Variants in SIPA1L2 observed in about 807,000 individuals in gnomAD.
SIPA1L2 encodes signal-induced proliferation-associated 1-like protein 2.
SIPA1L2 carries 56 observed loss-of-function variants against 163.9 expected under a neutral mutation model. That is an observed-to-expected ratio of 0.34 (90% confidence interval 0.28 to 0.43). The LOEUF (loss-of-function observed/expected upper bound fraction) is 0.43, where lower values mean the gene tolerates loss of function less well. Ranked by LOEUF, SIPA1L2 falls within the 20% of genes least tolerant of loss-of-function variation. SIPA1L2 has a pLI of 1.00. For missense variants in SIPA1L2, 1,974 were observed against 2,193.5 expected (o/e 0.90, Z 2.00); for synonymous variants, 877 against 865.7 (o/e 1.01, Z -0.23).
chr1:232,443,438 T>C (rs966524981), intron 12 of SIPA1L2, among the ~76,000 whole-genome samples, 164 bp downstream of exon 12: 2 of 152,076 alleles, frequency 1.3e-5, no homozygotes, highest in Non-Finnish European at 1.5e-5. Flanking sequence ...TACACAGAAA[T>C]AATGAGCTTT....
At chr1:232,422,977 A>G (rs940642864) in intron 18 of SIPA1L2, among the ~76,000 whole-genome samples, 2 of 152,210 alleles carry the variant, frequency 1.3e-5, no homozygotes, top group African/African-American at 4.8e-5. Context: ...AAAGTGATAC[A>G]TACTCGGTAG....
At chr1:232,523,373 G>T (rs1288108517) in intron 2 of SIPA1L2, among the ~76,000 whole-genome samples, 1 of 152,116 alleles carries the variant, frequency 6.6e-6, no homozygotes, top group Admixed American at 6.5e-5. Flanking sequence ...CTCTCAGGAG[G>T]TTATTAGTTA....
chr1:232,584,676 C>G (rs1660561449), intron 1 of SIPA1L2, among the ~76,000 whole-genome samples: 1 of 152,186 alleles, frequency 6.6e-6, no homozygotes, highest in Admixed American at 6.5e-5. Flanking sequence ...CAGAGGGTGA[C>G]AGGGAAGTTT....
In SIPA1L2 at chr1:232,493,651, T is replaced by A; in HGVS notation, c.1493A>T (p.Asn498Ile). ...RKFFYGKEHQNYFGIDENLGP... is the reference protein window; with the variant it reads ...RKFFYGKEHQIYFGIDENLGP... ...AAGGTTTTCATCTATTCCAAAGTAG[T>A]TTTGGTGCTCTATAATGGAAGAGAG... The change falls in exon 4 of 23, where the codon AAC becomes ATC. Residue 498 changes from asparagine to isoleucine, a missense_variant. Around this residue, in one of 3 missense-constraint regions of SIPA1L2, gnomAD observed 607 missense variants for 624.0 expected, o/e 0.97. Transcript: ENST00000674635. 6.2e-7 allele frequency: 1 copy of A among 1,614,064 alleles called. No individual in the cohort carries two copies. The highest frequency in any genetic ancestry group is 8.5e-7 in the Non-Finnish European group (1 of 1,179,982).
chr1:232,476,442 TGAA>T (rs1200447808), intron 7 of SIPA1L2, among the ~76,000 whole-genome samples: 3 of 152,164 alleles, frequency 2.0e-5, no homozygotes, highest in African/African-American at 7.2e-5. Context: ...ATGACTACTT[TGAA>T]GAAAGAATTT....
At chr1:232,445,390 C>A in intron 11 of SIPA1L2, 139 bp downstream of exon 11, 2 of 1,240,656 alleles carry the variant, frequency 1.6e-6, no homozygotes, top group South Asian at 2.9e-5. Context: ...GTGTCTGGGG[C>A]CTGCCTTGCT....
At chr1:232,548,612 T>A (rs73097614) in intron 2 of SIPA1L2, among the ~76,000 whole-genome samples, 1,828 of 152,306 alleles carry the variant, frequency 0.012, 46 homozygotes, top group African/African-American at 0.042. Context: ...TTTCAATAAA[T>A]ATATACTAAC....
At chr1:232,579,673 T>C (rs1221390337) in intron 1 of SIPA1L2, among the ~76,000 whole-genome samples, 3 of 152,224 alleles carry the variant, frequency 2.0e-5, no homozygotes, top group Non-Finnish European at 2.9e-5. Context: ...TAACCTCTGA[T>C]GCTCCTCAGT....
At chr1:232,489,332 G>T (rs915989686) in intron 5 of SIPA1L2, among the ~76,000 whole-genome samples, 1 of 151,990 alleles carries the variant, frequency 6.6e-6, no homozygotes, top group Admixed American at 6.6e-5. Context: ...TCTCTATCCC[G>T]CCATAACATG....
intron 2 of SIPA1L2, among the ~76,000 whole-genome samples, chr1:232,531,239 G>A (rs1175241117): frequency 1.3e-5 from 2 of 148,272 alleles, no homozygotes; most frequent in Non-Finnish European, 3.0e-5. Flanking sequence ...TTACCTATCC[G>A]CCTTACCAAC....
intron 2 of SIPA1L2, among the ~76,000 whole-genome samples, chr1:232,566,695 T>C (rs1200943336): frequency 6.6e-6 from 1 of 152,230 alleles, no homozygotes; most frequent in Non-Finnish European, 1.5e-5. Flanking sequence ...TCCACTTAAG[T>C]TGAAGATTCG....
chr1:232,414,152 T>C (rs1287196141), intron 19 of SIPA1L2, among the ~76,000 whole-genome samples: 1 of 151,940 alleles, frequency 6.6e-6, no homozygotes, highest in Admixed American at 6.5e-5. Flanking sequence ...AAGGACTGAG[T>C]GGTTTGTAAA....
intron 9 of SIPA1L2, among the ~76,000 whole-genome samples, chr1:232,463,200 C>A (rs1664331570): frequency 6.6e-6 from 1 of 152,198 alleles, no homozygotes; most frequent in African/African-American, 2.4e-5. Context: ...CCCTGCCTGG[C>A]CCTCTAGGAA....
At chr1:232,489,183 C>T (rs2102990680) in intron 5 of SIPA1L2, among the ~76,000 whole-genome samples, 1 of 152,132 alleles carries the variant, frequency 6.6e-6, no homozygotes, top group East Asian at 1.9e-4. Flanking sequence ...CTGACATATC[C>T]TACAAAGGGA....
Position 232,597,976 on chromosome 1 carries a change from A to AC in SIPA1L2, c.-318-23755_-318-23754insG, listed in dbSNP as rs373325505. Among the ~76,000 whole-genome samples, 366 of 152,362 alleles carry AC rather than the reference A, an allele frequency of 2.4e-3. 3 individuals are homozygous for AC. Among genetic ancestry groups the AC allele is most frequent in the African/African-American group, 7.3e-3 (302 of 41,590 alleles). ...AGGAAGGCACACCTGCATGTGAGCCAAGACTGAATGTGAAACTAACAAAAG... is the reference window on the plus strand; with the variant it reads ...AGGAAGGCACACCTGCATGTGAGCCACAGACTGAATGTGAAACTAACAAAAG... On this transcript the variant is annotated intron_variant, in intron 1 of 22. Coordinates refer to ENST00000674635, the MANE Select transcript of SIPA1L2 (RefSeq NM_020808.5).
chr1:232,490,822 C>A, intron 5 of SIPA1L2, 52 bp downstream of exon 5: 2 of 1,528,840 alleles, frequency 1.3e-6, no homozygotes, highest in Admixed American at 2.0e-5. Context: ...CCAAAACTTT[C>A]AGAAACAGAC....
At chr1:232,578,893 T>G (rs1002000714) in intron 1 of SIPA1L2, among the ~76,000 whole-genome samples, 3 of 152,228 alleles carry the variant, frequency 2.0e-5, no homozygotes, top group African/African-American at 7.2e-5. Flanking sequence ...ATGAGGCAAC[T>G]GGCTATTGTA....
intron 22 of SIPA1L2, among the ~76,000 whole-genome samples, chr1:232,400,025 T>C (rs1192898776): frequency 6.6e-6 from 1 of 152,134 alleles, no homozygotes; most frequent in Non-Finnish European, 1.5e-5. Context: ...ACCCTTGGCA[T>C]ATCTGGTCCT....
intron 3 of SIPA1L2, among the ~76,000 whole-genome samples, chr1:232,503,864 T>C (rs1218564140): frequency 2.6e-5 from 4 of 152,188 alleles, no homozygotes; most frequent in African/African-American, 9.6e-5. Flanking sequence ...CACTCTAGAG[T>C]TATTTTTTAA....
Sources: gnomAD v4.1 joint callset for allele counts (sites outside exome capture counted in the v4.1 genomes callset) on GRCh38, gnomAD v4.1.1 for gene constraint, gnomAD v4.1.1 regional missense constraint, MANE v1.5 for transcripts, NCBI Gene and HGNC (gene_info 2026-07-23, HGNC 2026-07-21) for gene names.